Variants in GAN observed in about 807,000 individuals in gnomAD.
The protein encoded by GAN is gigaxonin, also known as epididymis secretory sperm binding protein.
Under a neutral mutation model 71.3 loss-of-function variants are expected in GAN, and 48 were observed. The observed-to-expected ratio is 0.67, with a 90% CI of 0.53 to 0.86. The LOEUF (loss-of-function observed/expected upper bound fraction) is 0.86, where lower values mean the gene tolerates loss of function less well. Among genes scored for constraint, GAN ranks in the 40% least tolerant of loss-of-function variants. GAN has a pLI of 0.00. For synonymous variants in GAN, 386 were observed against 276.8 expected (o/e 1.39, Z -3.92); for missense variants, 928 against 770.1 (o/e 1.21, Z -2.43).
At chr16:81,337,861 A>C (rs1372077976) in intron 1 of GAN, among the ~76,000 whole-genome samples, 1 of 152,228 alleles carries the variant, frequency 6.6e-6, no homozygotes, top group African/African-American at 2.4e-5. Context: ...AAATAAACTT[A>C]GACCACATGA....
At chr16:81,365,515 T>C (rs762996927) in intron 9 of GAN, 37 bp downstream of exon 9, 1 of 1,599,132 alleles carries the variant, frequency 6.3e-7, no homozygotes, top group South Asian at 1.1e-5. Flanking sequence ...ACTGCAACTT[T>C]TTCTTTGTGC....
intron 1 of GAN, among the ~76,000 whole-genome samples, chr16:81,334,397 A>G (rs1021937610): frequency 1.5e-4 from 23 of 152,198 alleles, no homozygotes; most frequent in African/African-American, 5.3e-4. Flanking sequence ...ACACCTGGAA[A>G]GTAAACCCTT....
chr16:81,374,513 G>A (rs1038549832), intron 9 of GAN, among the ~76,000 whole-genome samples: 13 of 152,158 alleles, frequency 8.5e-5, no homozygotes, highest in Admixed American at 3.3e-4. Flanking sequence ...GGAATTTTTC[G>A]GTAAAGGAAA....
At chr16:81,362,669 G>A in intron 6 of GAN, 58 bp downstream of exon 6, 1 of 948,224 alleles carries the variant, frequency 1.1e-6, no homozygotes. Flanking sequence ...TAGCGCTTCT[G>A]TTTGTTTTGT....
intron 5 of GAN, among the ~76,000 whole-genome samples, chr16:81,360,072 T>G (rs1420728521): frequency 7.0e-6 from 1 of 142,672 alleles, no homozygotes; most frequent in Non-Finnish European, 1.6e-5. Flanking sequence ...GATGGATAGA[T>G]GGATGGACAG....
chr16:81,362,962 T>C (rs1910728209), intron 6 of GAN, among the ~76,000 whole-genome samples: 1 of 152,218 alleles, frequency 6.6e-6, no homozygotes, highest in African/African-American at 2.4e-5. Context: ...CGTCTCACCA[T>C]CTCACGGACC....
intron 1 of GAN, among the ~76,000 whole-genome samples, chr16:81,334,505 G>A (rs1909689619): frequency 6.6e-6 from 1 of 152,206 alleles, no homozygotes; most frequent in Admixed American, 6.5e-5. Context: ...AGAGAAGCGG[G>A]CTGAGATGGG....
At chr16:81,317,267 A>G (rs925720470) in intron 1 of GAN, among the ~76,000 whole-genome samples, 2 of 152,250 alleles carry the variant, frequency 1.3e-5, no homozygotes, top group Non-Finnish European at 2.9e-5. Flanking sequence ...AAATGTGTAC[A>G]TTAGAAAATT....
chr16:81,348,145 C>T (rs1910182151), intron 1 of GAN, among the ~76,000 whole-genome samples: 1 of 152,150 alleles, frequency 6.6e-6, no homozygotes, highest in South Asian at 2.1e-4. Flanking sequence ...AGCCATCTGT[C>T]ATATTTTCTG....
chr16:81,322,964 G>T (rs965855619), intron 1 of GAN, among the ~76,000 whole-genome samples: 4 of 152,164 alleles, frequency 2.6e-5, no homozygotes, highest in Non-Finnish European at 5.9e-5. Context: ...GCGGGATTTT[G>T]AAGGACAATG....
intron 1 of GAN, among the ~76,000 whole-genome samples, chr16:81,340,093 T>A (rs531974822): frequency 1.7e-3 from 257 of 152,252 alleles, no homozygotes; most frequent in Admixed American, 3.5e-3. Flanking sequence ...CCTGTATTCT[T>A]TATATTTGTT....
In GAN at chr16:81,365,487, G is replaced by C; in HGVS notation, c.1502+9G>C. The C allele has an allele frequency of 1.2e-6, 2 of 1,613,018 alleles. No individual in the cohort carries two copies. Among genetic ancestry groups the C allele is most frequent in the African/African-American group, 1.3e-5 (1 of 74,752 alleles). On this transcript the variant is annotated intron_variant, in intron 9 of 10. Coordinates refer to ENST00000648994, the MANE Select transcript of GAN (RefSeq NM_022041.4). The stretch of plus-strand genomic sequence containing the variant: ...CATGATGAGTTTAAAAGGTAACTAA[G>C]AATGGTTTCACATAGCTACTGCAAC...
intron 3 of GAN, among the ~76,000 whole-genome samples, 192 bp downstream of exon 3, chr16:81,354,947 A>G (rs1212957659): frequency 6.6e-6 from 1 of 152,232 alleles, no homozygotes; most frequent in Non-Finnish European, 1.5e-5. Context: ...CCCATGCCAC[A>G]CAATATATCA....
chr16:81,326,339 G>C (rs1025071364), intron 1 of GAN, among the ~76,000 whole-genome samples: 3 of 141,948 alleles, frequency 2.1e-5, no homozygotes, highest in African/African-American at 8.0e-5. Flanking sequence ...CCAACGTGGA[G>C]AAACACCATC....
chr16:81,317,878 A>G (rs377676391), intron 1 of GAN, among the ~76,000 whole-genome samples: 135 of 148,584 alleles, frequency 9.1e-4, no homozygotes, highest in African/African-American at 3.2e-3. Context: ...TTTTTTTTTT[A>G]TGTTTTGTGG....
intron 10 of GAN, 36 bp from the exon 11 acceptor site, chr16:81,377,379 T>C: frequency 1.2e-6 from 2 of 1,603,256 alleles, no homozygotes. Context: ...TGATTCTGGG[T>C]ACATTTTCTC....
intron 1 of GAN, among the ~76,000 whole-genome samples, chr16:81,327,027 G>C (rs534154600): frequency 6.6e-6 from 1 of 152,192 alleles, no homozygotes; most frequent in Admixed American, 6.5e-5. Flanking sequence ...AGGGCAAAGG[G>C]ACAGAATAAA....
Position 81,331,075 on chromosome 16 carries a change from C to T in GAN, c.167+15795C>T, listed in dbSNP as rs116859586. The stretch of plus-strand genomic sequence containing the variant: ...TAAAAATTAGCCAGGCATGGTGGCG[C>T]ACACCTGTAGTCCCAGCCACTCAGA... On this transcript the variant is annotated intron_variant, in intron 1 of 10. Transcript: ENST00000648994. Among the ~76,000 whole-genome samples the T allele has an allele frequency of 1.6e-3, 245 of 152,266 alleles. 5 individuals carry two copies. The East Asian group carries it at 0.044, about 27-fold the overall frequency.
At chr16:81,370,314 A>G (rs1340263502) in intron 9 of GAN, among the ~76,000 whole-genome samples, 3 of 152,196 alleles carry the variant, frequency 2.0e-5, no homozygotes, top group South Asian at 2.1e-4. Flanking sequence ...GAACTAGAGG[A>G]TAAAAGATGA....
Sources: allele counts gnomAD v4.1 joint callset (sites outside exome capture counted in the v4.1 genomes callset), GRCh38; gene constraint gnomAD v4.1.1; transcripts MANE v1.5; gene names NCBI Gene and HGNC (gene_info 2026-07-23, HGNC 2026-07-21).